PCSK5: variants seen among roughly 807,000 people sequenced by gnomAD.
PCSK5 encodes prohormone convertase 5.
In PCSK5, 129 loss-of-function variants were observed where a neutral mutation model predicts 233.2. The ratio of observed to expected loss-of-function variants is 0.55; its 90% CI spans 0.48 to 0.64. The LOEUF is 0.64. Among genes scored for constraint, PCSK5 ranks in the 30% least tolerant of loss-of-function variants. PCSK5 has a pLI of 0.00. For synonymous variants in PCSK5, 825 were observed against 879.2 expected (o/e 0.94, Z 1.09); for missense variants, 2,076 against 2,430.1 (o/e 0.85, Z 3.06).
At chr9:76,347,461 T>A (rs1218130371) in intron 35 of PCSK5, among the ~76,000 whole-genome samples, 1 of 152,200 alleles carries the variant, frequency 6.6e-6, no homozygotes, top group Non-Finnish European at 1.5e-5. Context: ...GTACCCTAAG[T>A]GTGCAAGTTT....
At chr9:76,243,966 A>T (rs763211557) in intron 24 of PCSK5, among the ~76,000 whole-genome samples, 1 of 152,250 alleles carries the variant, frequency 6.6e-6, no homozygotes, top group Non-Finnish European at 1.5e-5. Context: ...GCTCACGCCT[A>T]TAATTCCAGC....
At chr9:76,077,645 G>C (rs145943353) in intron 7 of PCSK5, among the ~76,000 whole-genome samples, 3 of 152,236 alleles carry the variant, frequency 2.0e-5, no homozygotes, top group African/African-American at 7.2e-5. Context: ...TTATAAGTGA[G>C]AGCATGCAGT....
chr9:76,314,755 G>A (rs143636961), intron 30 of PCSK5, among the ~76,000 whole-genome samples: 204 of 152,100 alleles, frequency 1.3e-3, no homozygotes, highest in African/African-American at 4.7e-3. Flanking sequence ...TCCTGCCTCA[G>A]CCTCCCGAGT....
At chr9:76,346,957 A>G (rs927817536) in intron 35 of PCSK5, among the ~76,000 whole-genome samples, 1 of 152,220 alleles carries the variant, frequency 6.6e-6, no homozygotes, top group African/African-American at 2.4e-5. Context: ...AGGAAAACAT[A>G]GCATACTCAG....
chr9:76,335,056 C>T (rs4745535), intron 34 of PCSK5, among the ~76,000 whole-genome samples: 35,377 of 152,084 alleles, frequency 0.23, 4,840 homozygotes, highest in East Asian at 0.54. Context: ...CCAGCCTGGG[C>T]AACAGAACAA....
chr9:76,175,296 A>AATCGAATCGAATCGAATC (rs753600059), intron 14 of PCSK5, 167 bp downstream of exon 14: 3 of 406,416 alleles, frequency 7.4e-6, no homozygotes, highest in Admixed American at 4.5e-5. Flanking sequence ...CGAATCGAAT[A>AATCGAATCGAATCGAATC]GAATAGAATA....
At chr9:75,908,426 G>A (rs963661206) in intron 1 of PCSK5, among the ~76,000 whole-genome samples, 8 of 152,144 alleles carry the variant, frequency 5.3e-5, no homozygotes, top group African/African-American at 1.7e-4. Flanking sequence ...TGTAGGTAAG[G>A]CCTTTGTCAC....
intron 20 of PCSK5, 58 bp from the exon 21 acceptor site, chr9:76,227,443 GAC>G: frequency 8.2e-7 from 1 of 1,213,412 alleles, no homozygotes; most frequent in East Asian, 2.5e-5. Flanking sequence ...CTCTCAGACT[GAC>G]AGCCCAGGCA....
At chr9:76,272,668 G>A (rs777001227) in intron 24 of PCSK5, among the ~76,000 whole-genome samples, 9 of 150,264 alleles carry the variant, frequency 6.0e-5, no homozygotes, top group South Asian at 2.1e-4. Context: ...CTAGCTACTC[G>A]GGAGGCTGAG....
At chr9:76,177,306 A>G (rs1823657447) in intron 14 of PCSK5, among the ~76,000 whole-genome samples, 1 of 152,166 alleles carries the variant, frequency 6.6e-6, no homozygotes, top group African/African-American at 2.4e-5. Flanking sequence ...AAAAAAGAAA[A>G]GAAAAGAAAA....
rs1587849359 is a variant in PCSK5 at position 76,301,355 on chromosome 9, A to T, written c.3524-782A>T. 2.6e-5 allele frequency among the ~76,000 whole-genome samples: 4 copies of T among 152,298 alleles called. 1 individual carries two copies. In the South Asian group the frequency reaches 8.3e-4, roughly 32 times the overall value. Reference sequence around the variant, plus strand: ...GGCTCTAAGGGAAATGGCCCTGGAAAAAAAGGCACCAGATAATGGTAAGTC... The same window carrying T: ...GGCTCTAAGGGAAATGGCCCTGGAATAAAAGGCACCAGATAATGGTAAGTC... On this transcript the variant is annotated intron_variant, in intron 27 of 37. Coordinates refer to ENST00000674117, the MANE Select transcript of PCSK5 (RefSeq NM_001372043.1).
intron 24 of PCSK5, chr9:76,287,928 A>G: frequency 5.7e-6 from 1 of 174,376 alleles, no homozygotes; most frequent in Non-Finnish European, 1.3e-5. Context: ...AACATTGTGA[A>G]TGGCCTGGCA....
At chr9:75,994,461 G>T (rs1826923566) in intron 3 of PCSK5, among the ~76,000 whole-genome samples, 4 of 119,614 alleles carry the variant, frequency 3.3e-5, no homozygotes, top group Admixed American at 3.3e-4. Context: ...GTCTCACTCT[G>T]TCGCCCAGGC....
chr9:76,212,739 C>A (rs1299234099), intron 20 of PCSK5, among the ~76,000 whole-genome samples: 1 of 152,224 alleles, frequency 6.6e-6, no homozygotes, highest in South Asian at 2.1e-4. Flanking sequence ...ATATTCCAGA[C>A]AAACCCTGTG....
At chr9:76,350,327 T>A (rs990784727) in intron 35 of PCSK5, among the ~76,000 whole-genome samples, 4 of 151,310 alleles carry the variant, frequency 2.6e-5, no homozygotes, top group African/African-American at 9.7e-5. Flanking sequence ...AAGAAATGTA[T>A]CACCATCATC....
At chr9:76,059,311 C>A (rs1205548960) in intron 5 of PCSK5, among the ~76,000 whole-genome samples, 1 of 152,104 alleles carries the variant, frequency 6.6e-6, no homozygotes, top group Non-Finnish European at 1.5e-5. Context: ...CTGTAGGTTG[C>A]CTGTTCACTC....
At chr9:76,250,778 T>C (rs1386581273) in intron 24 of PCSK5, among the ~76,000 whole-genome samples, 11 of 152,152 alleles carry the variant, frequency 7.2e-5, no homozygotes, top group Non-Finnish European at 1.3e-4. Flanking sequence ...CTGAATAAAT[T>C]ACGGACTTTA....
At chr9:75,989,063 C>T (rs1351100342) in intron 3 of PCSK5, among the ~76,000 whole-genome samples, 2 of 152,146 alleles carry the variant, frequency 1.3e-5, no homozygotes, top group Non-Finnish European at 2.9e-5. Context: ...ATTACTTTCC[C>T]TTAATAAAAG....
chr9:76,298,252 T>A (rs1828502924), intron 27 of PCSK5, among the ~76,000 whole-genome samples: 1 of 152,048 alleles, frequency 6.6e-6, no homozygotes, highest in Non-Finnish European at 1.5e-5. Context: ...GAAACCAGGC[T>A]TCAGTGGTTC....
Sources: allele counts gnomAD v4.1 joint callset (sites outside exome capture counted in the v4.1 genomes callset), GRCh38; gene constraint gnomAD v4.1.1; transcripts MANE v1.5; gene names NCBI Gene and HGNC (gene_info 2026-07-23, HGNC 2026-07-21).